Variants in GBE1 observed in about 807,000 individuals in gnomAD.
GBE1 encodes the protein 1,4-alpha-glucan-branching enzyme.
A neutral mutation model predicts 88.8 loss-of-function variants in GBE1; 70 were observed. The observed-to-expected ratio is 0.79, with a 90% CI of 0.65 to 0.96. The LOEUF is 0.96. Ranked by LOEUF, GBE1 falls within the 40% of genes least tolerant of loss-of-function variation. The pLI is 0.00. For synonymous variants in GBE1, 284 were observed against 300.1 expected, an observed-to-expected ratio of 0.95 and a Z score of 0.56; for missense variants, 872 against 871.0, an observed-to-expected ratio of 1.00 and a Z score of -0.01.
At chr3:81,610,026 G>A (rs771507757) in intron 7 of GBE1, among the ~76,000 whole-genome samples, 2 of 152,132 alleles carry the variant, frequency 1.3e-5, no homozygotes, top group Admixed American at 1.3e-4. Context: ...AATGCAATAG[G>A]CACAGAAACA....
At chr3:81,593,430 T>C (rs1453752449) in intron 8 of GBE1, among the ~76,000 whole-genome samples, 3 of 149,890 alleles carry the variant, frequency 2.0e-5, no homozygotes, top group Non-Finnish European at 4.4e-5. Context: ...GAGGGATTAG[T>C]ATTCTGTGAT....
chr3:81,548,244 G>GTT (rs1478578968), intron 12 of GBE1, among the ~76,000 whole-genome samples: 4 of 151,506 alleles, frequency 2.6e-5, no homozygotes, highest in Non-Finnish European at 5.9e-5. Flanking sequence ...TATAAAAATT[G>GTT]TAAGGGTTAA....
intron 2 of GBE1, among the ~76,000 whole-genome samples, chr3:81,704,222 C>T (rs543481323): frequency 6.6e-6 from 1 of 151,868 alleles, no homozygotes; most frequent in South Asian, 2.1e-4. Context: ...AATATTGTTA[C>T]TAAAATTTCT....
At chr3:81,671,319 C>T (rs1357229664) in intron 2 of GBE1, among the ~76,000 whole-genome samples, 2 of 151,990 alleles carry the variant, frequency 1.3e-5, no homozygotes, top group African/African-American at 4.8e-5. Context: ...AATGTACATG[C>T]CATGGTAGAA....
intron 7 of GBE1, among the ~76,000 whole-genome samples, chr3:81,600,825 G>A (rs904160147): frequency 1.3e-5 from 2 of 151,944 alleles, no homozygotes; most frequent in Non-Finnish European, 2.9e-5. Flanking sequence ...AGATGAACTG[G>A]GAAAAACTAG....
At chr3:81,507,052 T>C in intron 14 of GBE1, among the ~76,000 whole-genome samples, 1 of 152,118 alleles carries the variant, frequency 6.6e-6, no homozygotes, top group East Asian at 1.9e-4. Context: ...CCTGCACTTG[T>C]ACTCCTGAAC....
In GBE1 at chr3:81,619,769, C is replaced by G. The variant is rs553209873; in HGVS notation, c.992+23012G>C. Among the ~76,000 whole-genome samples, 82 of 152,114 alleles carry G rather than the reference C, an allele frequency of 5.4e-4. 1 individual carries two copies. Among genetic ancestry groups the G allele is most frequent in the Non-Finnish European group, 9.6e-4 (65 of 67,948 alleles). On this transcript the variant is annotated intron_variant, in intron 7 of 15. Coordinates refer to ENST00000429644, the MANE Select transcript of GBE1 (RefSeq NM_000158.4). The stretch of plus-strand genomic sequence containing the variant: ...TAATTAAAATAGAATTATCACTTTT[C>G]AAAAATATGACCAAGAGATTTAATT...
chr3:81,500,695 T>C (rs978011211), intron 14 of GBE1, among the ~76,000 whole-genome samples: 2 of 152,236 alleles, frequency 1.3e-5, no homozygotes, highest in Non-Finnish European at 2.9e-5. Flanking sequence ...AAGTTCTCAC[T>C]GAGTAAGTAG....
chr3:81,681,161 T>A (rs551850013), intron 2 of GBE1, among the ~76,000 whole-genome samples: 1 of 152,110 alleles, frequency 6.6e-6, no homozygotes. Flanking sequence ...GGAGAAGAAA[T>A]TGTAAGAGAA....
intron 14 of GBE1, among the ~76,000 whole-genome samples, chr3:81,512,302 AC>A (rs1033906791): frequency 1.3e-5 from 2 of 151,914 alleles, no homozygotes; most frequent in African/African-American, 4.8e-5. Context: ...CAACACACAA[AC>A]AAAAACAAAA....
At chr3:81,655,321 C>T (rs1054855466) in intron 3 of GBE1, among the ~76,000 whole-genome samples, 3 of 151,990 alleles carry the variant, frequency 2.0e-5, no homozygotes, top group Non-Finnish European at 4.4e-5. Context: ...ACTGGGATTA[C>T]AGGCATGAGC....
chr3:81,593,580 G>C (rs1182388290), intron 8 of GBE1, among the ~76,000 whole-genome samples: 1 of 151,776 alleles, frequency 6.6e-6, no homozygotes, highest in Non-Finnish European at 1.5e-5. Context: ...AAAAACCTAT[G>C]CATTCACAAC....
intron 1 of GBE1, among the ~76,000 whole-genome samples, chr3:81,754,021 C>A (rs1706569364): frequency 6.6e-6 from 1 of 152,108 alleles, no homozygotes; most frequent in South Asian, 2.1e-4. Context: ...GCCAAATTAG[C>A]CTTGTTTGCA....
intron 13 of GBE1, 131 bp downstream of exon 13, chr3:81,536,780 T>C: frequency 1.7e-6 from 1 of 573,844 alleles, no homozygotes; most frequent in Non-Finnish European, 2.9e-6. Flanking sequence ...ACCTGAAGTA[T>C]GGTACAGGAC....
At chr3:81,716,378 A>G (rs928810865) in intron 1 of GBE1, among the ~76,000 whole-genome samples, 4 of 152,180 alleles carry the variant, frequency 2.6e-5, no homozygotes, top group African/African-American at 9.6e-5. Context: ...GAGTGTCCCA[A>G]AAGTAAATAG....
chr3:81,528,518 T>C (rs1445383874), intron 14 of GBE1, among the ~76,000 whole-genome samples: 1 of 152,072 alleles, frequency 6.6e-6, no homozygotes, highest in African/African-American at 2.4e-5. Context: ...ACAGATTACA[T>C]CTCAGGTTTC....
chr3:81,594,473 CATTTTCATTATCAGTAGAA>C (rs1322165795), intron 7 of GBE1, among the ~76,000 whole-genome samples: 4 of 152,006 alleles, frequency 2.6e-5, no homozygotes, highest in African/African-American at 7.2e-5. Flanking sequence ...TCAGAAAATG[CATTTTCATTATCAGTAGAA>C]AAAGTACTTT....
chr3:81,620,014 A>T (rs967844547), intron 7 of GBE1, among the ~76,000 whole-genome samples: 5 of 152,042 alleles, frequency 3.3e-5, no homozygotes, highest in Admixed American at 1.3e-4. Context: ...ATTTAAAAAA[A>T]TATACTTTGC....
intron 7 of GBE1, among the ~76,000 whole-genome samples, chr3:81,594,785 C>G (rs1269192014): frequency 1.3e-5 from 2 of 151,864 alleles, no homozygotes; most frequent in Non-Finnish European, 1.5e-5. Context: ...CGAAACAAGT[C>G]TGTTTTGGAC....
Sources: allele counts gnomAD v4.1 joint callset (sites outside exome capture counted in the v4.1 genomes callset), GRCh38; gene constraint gnomAD v4.1.1; transcripts MANE v1.5; gene names NCBI Gene and HGNC (gene_info 2026-07-23, HGNC 2026-07-21).